Variants in SNTG1 observed in about 807,000 individuals in gnomAD.
SNTG1 encodes the protein syntrophin gamma 1.
Under a neutral mutation model 74.7 loss-of-function variants are expected in SNTG1, and 39 were observed. The ratio of observed to expected loss-of-function variants is 0.52; its 90% CI spans 0.40 to 0.68. The LOEUF (loss-of-function observed/expected upper bound fraction) is 0.68. SNTG1 is among the 30% of genes least tolerant of loss of function. The pLI is 0.00. For missense variants in SNTG1, 685 were observed against 609.5 expected, an observed-to-expected ratio of 1.12 and a Z score of -1.30; for synonymous variants, 254 against 217.1, an observed-to-expected ratio of 1.17 and a Z score of -1.49.
chr8:50,041,624 T>C (rs1166472454), intron 1 of SNTG1, among the ~76,000 whole-genome samples: 3 of 152,192 alleles, frequency 2.0e-5, no homozygotes, highest in African/African-American at 7.2e-5. Flanking sequence ...TTATACCTTC[T>C]TTTATTCAGG....
chr8:50,186,950 C>A (rs1434877106), intron 2 of SNTG1, among the ~76,000 whole-genome samples: 1 of 152,162 alleles, frequency 6.6e-6, no homozygotes, highest in African/African-American at 2.4e-5. Context: ...GTCATGAAGT[C>A]TTTGCCCACG....
intron 12 of SNTG1, among the ~76,000 whole-genome samples, chr8:50,574,728 G>A (rs2094567257): frequency 6.6e-6 from 1 of 151,820 alleles, no homozygotes; most frequent in Admixed American, 6.6e-5. Context: ...ACTTACGAAT[G>A]GTTTAATATT....
intron 15 of SNTG1, among the ~76,000 whole-genome samples, chr8:50,671,317 A>G (rs914067627): frequency 6.6e-6 from 1 of 151,934 alleles, no homozygotes; most frequent in Non-Finnish European, 1.5e-5. Flanking sequence ...TAATATCCAG[A>G]ATCTACAATG....
chr8:50,074,417 T>G (rs1821639752), intron 1 of SNTG1, among the ~76,000 whole-genome samples: 1 of 152,180 alleles, frequency 6.6e-6, no homozygotes, highest in South Asian at 2.1e-4. Flanking sequence ...TTTCTTCATA[T>G]CAGCAACTGT....
At chr8:50,722,269 G>C (rs2095489646) in intron 17 of SNTG1, among the ~76,000 whole-genome samples, 1 of 151,556 alleles carries the variant, frequency 6.6e-6, no homozygotes, top group South Asian at 2.1e-4. Context: ...CCACCTCCCA[G>C]GTTCAAGCAA....
At chr8:50,766,742 T>A (rs779379394) in intron 18 of SNTG1, among the ~76,000 whole-genome samples, 1 of 151,930 alleles carries the variant, frequency 6.6e-6, no homozygotes, top group Non-Finnish European at 1.5e-5. Flanking sequence ...ATTGGAAGAT[T>A]TTACTTATCT....
intron 4 of SNTG1, among the ~76,000 whole-genome samples, chr8:50,428,903 T>C (rs1302250565): frequency 2.0e-5 from 3 of 152,116 alleles, no homozygotes; most frequent in African/African-American, 7.2e-5. Context: ...TCATTTAAAG[T>C]AGCATCAAAA....
In SNTG1 at chr8:50,512,102, G is replaced by T. The variant is rs553475208; in HGVS notation, c.466+9222G>T. Reference sequence around the variant, plus strand: ...TGCTTCCTTCAGGAGCTCTTTTAGTGCAGGCCTGGTGGTGACAAAATCTCT... The same window carrying T: ...TGCTTCCTTCAGGAGCTCTTTTAGTTCAGGCCTGGTGGTGACAAAATCTCT... On this transcript the variant is annotated intron_variant, in intron 9 of 18. Coordinates refer to ENST00000642720, the MANE Select transcript of SNTG1 (RefSeq NM_018967.5). 1.7e-4 allele frequency among the ~76,000 whole-genome samples: 26 copies of T among 152,064 alleles called. No individual in the cohort carries two copies. In the South Asian group the frequency reaches 4.6e-3, roughly 27 times the overall value.
intron 2 of SNTG1, among the ~76,000 whole-genome samples, chr8:50,248,116 C>T (rs527772435): frequency 2.0e-5 from 3 of 152,266 alleles, no homozygotes; most frequent in Middle Eastern, 3.4e-3. Flanking sequence ...AGGGTCCACA[C>T]ATATGGCTTC....
chr8:50,561,882 A>G (rs990990583), intron 12 of SNTG1, among the ~76,000 whole-genome samples: 3 of 152,172 alleles, frequency 2.0e-5, no homozygotes, highest in Admixed American at 2.0e-4. Context: ...CCTGAGCTGG[A>G]CATTAGAACT....
intron 15 of SNTG1, among the ~76,000 whole-genome samples, chr8:50,697,043 A>C (rs60368645): frequency 6.6e-6 from 1 of 152,110 alleles, no homozygotes; most frequent in Admixed American, 6.6e-5. Context: ...AAATATGGCC[A>C]TTTTAACAAT....
intron 1 of SNTG1, among the ~76,000 whole-genome samples, chr8:50,084,480 A>C (rs1822698958): frequency 1.3e-5 from 2 of 152,188 alleles, no homozygotes; most frequent in African/African-American, 4.8e-5. Context: ...AATAAAAAAA[A>C]GTAGACTGTA....
At chr8:50,096,075 A>G (rs1260451170) in intron 1 of SNTG1, among the ~76,000 whole-genome samples, 3 of 152,098 alleles carry the variant, frequency 2.0e-5, no homozygotes, top group Admixed American at 1.3e-4. Context: ...ACTGTAATAT[A>G]TTTTACCATT....
chr8:50,113,260 T>C (rs1008560099), intron 1 of SNTG1, among the ~76,000 whole-genome samples: 1 of 152,204 alleles, frequency 6.6e-6, no homozygotes, highest in Non-Finnish European at 1.5e-5. Context: ...TTTGTTTGTG[T>C]CTGCTTTTAT....
chr8:50,341,108 A>G (rs554383210), intron 2 of SNTG1, among the ~76,000 whole-genome samples: 1 of 152,084 alleles, frequency 6.6e-6, no homozygotes, highest in African/African-American at 2.4e-5. Context: ...GCTACATAGT[A>G]GTTTGGCCAA....
chr8:50,597,921 G>T (rs1018491750), intron 13 of SNTG1, among the ~76,000 whole-genome samples: 1 of 151,780 alleles, frequency 6.6e-6, no homozygotes, highest in Non-Finnish European at 1.5e-5. Context: ...ATGGTTTCTT[G>T]CTATTGAGTT....
At chr8:50,345,315 C>A (rs2091439626) in intron 2 of SNTG1, among the ~76,000 whole-genome samples, 2 of 152,184 alleles carry the variant, frequency 1.3e-5, no homozygotes, top group Non-Finnish European at 2.9e-5. Flanking sequence ...ATTCTGAAAG[C>A]TGGCAAGGTG....
chr8:50,508,757 T>C (rs539872473), intron 9 of SNTG1, among the ~76,000 whole-genome samples: 2 of 152,346 alleles, frequency 1.3e-5, no homozygotes, highest in African/African-American at 4.8e-5. Context: ...ACCCACATTT[T>C]GATGGGATTG....
intron 2 of SNTG1, among the ~76,000 whole-genome samples, chr8:50,378,839 C>T (rs542472566): frequency 2.6e-4 from 40 of 152,130 alleles, no homozygotes; most frequent in African/African-American, 9.4e-4. Context: ...AGGGCTTTTA[C>T]GGGCCTCAGA....
Sources: allele counts gnomAD v4.1 joint callset (sites outside exome capture counted in the v4.1 genomes callset), GRCh38; gene constraint gnomAD v4.1.1; transcripts MANE v1.5; gene names NCBI Gene and HGNC (gene_info 2026-07-23, HGNC 2026-07-21).